The following LANCL1 variants were observed in gnomAD, a reference collection of about 807,000 sequenced individuals.
LANCL1 encodes the protein LanC like glutathione S-transferase 1.
LANCL1 carries 50 observed loss-of-function variants against 50.6 expected under a neutral mutation model. The ratio of observed to expected loss-of-function variants is 0.99; its 90% CI spans 0.79 to 1.25. The LOEUF is 1.25. Among genes scored for constraint, LANCL1 ranks in the 50% most tolerant of loss-of-function variants. The probability of loss-of-function intolerance (pLI) is 0.00; values close to 1 mark genes in which losing one functional copy is unlikely to be tolerated. For synonymous variants in LANCL1, 188 were observed against 178.6 expected, an observed-to-expected ratio of 1.05 and a Z score of -0.42; for missense variants, 532 against 480.7, an observed-to-expected ratio of 1.11 and a Z score of -1.00.
chr2:210,468,972 C>T (rs1357464552), intron 3 of LANCL1: 1 of 152,158 alleles, frequency 6.6e-6, no homozygotes, highest in East Asian at 1.9e-4. Flanking sequence ...TAGCTATCAG[C>T]CCATACGTAT....
In LANCL1 at chr2:210,431,465, G is replaced by A. The variant is rs1264252682; in HGVS notation, c.*3022C>T. The A allele has an allele frequency of 6.6e-6, 1 of 152,200 alleles. No individual in the cohort carries two copies. Among genetic ancestry groups the A allele is most frequent in the Non-Finnish European group, 1.5e-5 (1 of 68,048 alleles). 9.4% of individuals were successfully genotyped at this position (152,200 alleles called of 1,614,324 possible). A position where few individuals can be genotyped will look rare whatever the true frequency, so the allele number is the denominator to read the frequency against. ...AGGAATGAGGTGCTCTTACTTAGCG[G>A]AAGCAGAAATGAAATTGGAATTCAG... On this transcript the variant is annotated 3_prime_UTR_variant, in exon 10 of 10. Coordinates refer to ENST00000450366, the MANE Select transcript of LANCL1 (RefSeq NM_006055.3).
At chr2:210,446,080 TG>T (rs1693317230) in intron 4 of LANCL1, among the ~76,000 whole-genome samples, 1 of 152,176 alleles carries the variant, frequency 6.6e-6, no homozygotes, top group Non-Finnish European at 1.5e-5. Flanking sequence ...AAGAGAGCAG[TG>T]GATCTCCCAG....
intron 7 of LANCL1, among the ~76,000 whole-genome samples, chr2:210,437,367 C>A (rs1331899408): frequency 6.6e-6 from 1 of 152,024 alleles, no homozygotes; most frequent in Non-Finnish European, 1.5e-5. Context: ...TTATTTTCAC[C>A]TGTGGCAATT....
chr2:210,463,310 A>G (rs554886675), intron 3 of LANCL1, among the ~76,000 whole-genome samples: 3 of 152,026 alleles, frequency 2.0e-5, no homozygotes, highest in Non-Finnish European at 2.9e-5. Flanking sequence ...TCCTGGATTC[A>G]AGCGATTCTC....
intron 3 of LANCL1, among the ~76,000 whole-genome samples, chr2:210,466,026 A>G (rs563188153): frequency 2.6e-5 from 4 of 152,212 alleles, no homozygotes; most frequent in Non-Finnish European, 5.9e-5. Flanking sequence ...TGAAGAGAAA[A>G]GATGAGCACC....
At position 210,440,631 on chromosome 2, in the gene LANCL1, A is replaced by G. The variant is rs372217602; in HGVS notation, c.657T>C (p.His219=). The G allele has an allele frequency of 1.2e-6, 2 of 1,613,490 alleles. No homozygotes were observed. Among genetic ancestry groups the G allele is most frequent in the Non-Finnish European group, 1.7e-6 (2 of 1,179,786 alleles). The change falls in exon 6 of 10, where the codon CAT becomes CAC. Residue 219 remains histidine, a synonymous_variant. Coordinates refer to ENST00000450366, the MANE Select transcript of LANCL1 (RefSeq NM_006055.3). ...WYQEYYVGAA[H]GLAGIYYYLM... is the part of the protein sequence containing the mutation. ...GGTAGTAATAAATTCCAGCCAGGCC[A>G]TGAGCAGCCCCTACATAATATTCCT...
rs1267355629 is a variant in LANCL1 at position 210,436,247 on chromosome 2, T to C, written c.1019A>G (p.Gln340Arg). 6.2e-7 allele frequency: 1 copy of C among 1,613,818 alleles called. No homozygotes were observed. Among genetic ancestry groups the C allele is most frequent in the East Asian group, 2.2e-5 (1 of 44,862 alleles). ...GGCCCTATACAGGTACTTCATGTCC[T>C]GTGTGAGGTTGTAGAGTGTCAGGAA... Reference protein sequence around the residue: ...YAFLTLYNLTQDMKYLYRACK... With the variant: ...YAFLTLYNLTRDMKYLYRACK... The change falls in exon 8 of 10, where the codon CAG (glutamine) becomes CGG (arginine). Residue 340 changes from glutamine to arginine, a missense_variant. Gln to Arg is a conservative substitution (Grantham distance 43). Coordinates refer to ENST00000450366, the MANE Select transcript of LANCL1 (RefSeq NM_006055.3).
At position 210,476,712 on chromosome 2, in the gene LANCL1, GGCCTCTCACCCCGCA is replaced by G; in HGVS notation, c.-124_-110del. ...GCGTCCTGAAGCCCTTCTCGGCCCTGGCCTCTCACCCCGCAGCCCCGGACAGTAACAGAAGGGCTA... is the reference window on the plus strand; with the variant it reads ...GCGTCCTGAAGCCCTTCTCGGCCCTGGCCCCGGACAGTAACAGAAGGGCTA... On this transcript the variant is annotated 5_prime_UTR_variant, in exon 1 of 10. Coordinates refer to ENST00000450366, the MANE Select transcript of LANCL1 (RefSeq NM_006055.3). 1 of 1,152,854 alleles carries G rather than the reference GGCCTCTCACCCCGCA, an allele frequency of 8.7e-7. No individual in the cohort carries two copies. 71.4% of individuals were successfully genotyped at this position (1,152,854 alleles called of 1,614,324 possible). A position where few individuals can be genotyped will look rare whatever the true frequency, so the allele number is the denominator to read the frequency against.
intron 3 of LANCL1, among the ~76,000 whole-genome samples, chr2:210,459,210 A>G (rs953378841): frequency 6.6e-6 from 1 of 152,076 alleles, no homozygotes; most frequent in African/African-American, 2.4e-5. Context: ...TAAATGTCAT[A>G]TTCGTAAGTA....
intron 4 of LANCL1, among the ~76,000 whole-genome samples, chr2:210,454,889 A>G (rs1693617452): frequency 6.6e-6 from 1 of 152,232 alleles, no homozygotes. Flanking sequence ...CTGATGTTTA[A>G]TCTGGAACAT....
chr2:210,476,467 T>C (rs1269466357), intron 1 of LANCL1, 55 bp from the exon 2 acceptor site: 1 of 1,423,604 alleles, frequency 7.0e-7, no homozygotes, highest in African/African-American at 2.5e-5. Flanking sequence ...TCGGCCGAGT[T>C]GCGAGGGCGG....
rs746741084 is a variant in LANCL1 at position 210,435,407 on chromosome 2, G to A, written c.1103C>T (p.Thr368Ile). ...AATACCTTCAAAGAGAGAGAAAGGG[G>A]TGTCTGGTGTTCTGCATCCATGTTC... ...YGEHGCRTPD[T>I]PFSLFEGMAG... Residue 368 changes from threonine (T) to isoleucine (I), a missense_variant, in exon 9 of 10, where the codon ACC becomes ATC. Physicochemically the swap from Thr to Ile is moderately conservative, Grantham distance 89. Coordinates refer to ENST00000450366, the MANE Select transcript of LANCL1 (RefSeq NM_006055.3). The A allele has an allele frequency of 6.2e-7, 1 of 1,612,922 alleles. No homozygotes were observed. The highest frequency in any genetic ancestry group is 8.5e-7 in the Non-Finnish European group (1 of 1,179,038).
At chr2:210,464,982 A>AAAAAACAACAAC (rs1694001393) in intron 3 of LANCL1, among the ~76,000 whole-genome samples, 1 of 139,532 alleles carries the variant, frequency 7.2e-6, no homozygotes, top group Non-Finnish European at 1.6e-5. Context: ...CAAAAAAAAA[A>AAAAAACAACAAC]AAAAAAAAAC....
intron 3 of LANCL1, among the ~76,000 whole-genome samples, chr2:210,463,546 T>C (rs976014804): frequency 1.3e-5 from 2 of 152,236 alleles, no homozygotes; most frequent in Non-Finnish European, 2.9e-5. Flanking sequence ...CTTACTCCTG[T>C]CCTCCAACAG....
intron 2 of LANCL1, among the ~76,000 whole-genome samples, chr2:210,472,522 T>TA (rs1251838914): frequency 1.3e-5 from 2 of 151,888 alleles, no homozygotes; most frequent in South Asian, 2.1e-4. Flanking sequence ...AAAAAGGATT[T>TA]AAAAAAAATG....
In LANCL1 at chr2:210,443,336, T is replaced by TTA. The variant is rs1398181254; in HGVS notation, c.408-1894_408-1893insTA. ...TGTTTTGTCACATGAAATTTTGAAG[T>TTA]GCATCTCAATCATCCCTAAATTAGC... On this transcript the variant is annotated intron_variant, in intron 4 of 9. Coordinates refer to ENST00000450366, the MANE Select transcript of LANCL1 (RefSeq NM_006055.3). 5.3e-4 allele frequency among the ~76,000 whole-genome samples: 81 copies of TTA among 152,336 alleles called. 1 individual carries two copies. In the East Asian group the frequency reaches 0.013, roughly 24 times the overall value.
At chr2:210,470,441 CAT>C (rs1489594784) in intron 3 of LANCL1, among the ~76,000 whole-genome samples, 4 of 152,200 alleles carry the variant, frequency 2.6e-5, no homozygotes, top group East Asian at 1.9e-4. Context: ...AAAATAGAAT[CAT>C]GTGTCATTAT....
At chr2:210,456,618 A>G (rs1693681829) in intron 3 of LANCL1, among the ~76,000 whole-genome samples, 1 of 152,010 alleles carries the variant, frequency 6.6e-6, no homozygotes, top group Non-Finnish European at 1.5e-5. Flanking sequence ...GATTGATGTC[A>G]AGAGCTTCTT....
chr2:210,462,661 AGG>A (rs1693898756), intron 3 of LANCL1, among the ~76,000 whole-genome samples: 1 of 152,246 alleles, frequency 6.6e-6, no homozygotes, highest in East Asian at 1.9e-4. Context: ...AAGATTAGGA[AGG>A]GGAAAAACAC....
Sources: allele counts gnomAD v4.1 joint callset (sites outside exome capture counted in the v4.1 genomes callset), GRCh38; gene constraint gnomAD v4.1.1; transcripts MANE v1.5; gene names NCBI Gene and HGNC (gene_info 2026-07-23, HGNC 2026-07-21).